PXDNL: variants seen among roughly 807,000 people sequenced by gnomAD.
The protein encoded by PXDNL is probable oxidoreductase PXDNL.
Under a neutral mutation model 150.8 loss-of-function variants are expected in PXDNL, and 145 were observed. The observed-to-expected ratio is 0.96, with a 90% CI of 0.84 to 1.10. The LOEUF (loss-of-function observed/expected upper bound fraction) is 1.10. PXDNL is among the 50% of genes least tolerant of loss of function. PXDNL has a pLI of 0.00. For synonymous variants in PXDNL, 757 were observed against 725.7 expected, an observed-to-expected ratio of 1.04 and a Z score of -0.69; for missense variants, 2,087 against 1,873.9, an observed-to-expected ratio of 1.11 and a Z score of -2.10.
At chr8:51,738,237 T>C (rs1005882471) in intron 1 of PXDNL, among the ~76,000 whole-genome samples, 3 of 152,216 alleles carry the variant, frequency 2.0e-5, no homozygotes, top group African/African-American at 7.2e-5. Flanking sequence ...CAGGGTTTTG[T>C]TTTAAGTAGA....
chr8:51,553,078 A>G (rs1310006572), intron 4 of PXDNL, among the ~76,000 whole-genome samples: 1 of 152,252 alleles, frequency 6.6e-6, no homozygotes, highest in East Asian at 1.9e-4. Flanking sequence ...CAACAGGGTG[A>G]ATAACATTAA....
intron 1 of PXDNL, among the ~76,000 whole-genome samples, chr8:51,711,091 A>G (rs1021055859): frequency 6.6e-6 from 1 of 152,224 alleles, no homozygotes; most frequent in African/African-American, 2.4e-5. Context: ...CAGTTTACAG[A>G]TATCATGGTA....
intron 1 of PXDNL, among the ~76,000 whole-genome samples, chr8:51,751,154 G>A (rs928232742): frequency 6.6e-6 from 1 of 152,018 alleles, no homozygotes; most frequent in African/African-American, 2.4e-5. Flanking sequence ...CTTCATCATA[G>A]GTCATATCAA....
chr8:51,487,563 C>A (rs953874574), intron 5 of PXDNL, among the ~76,000 whole-genome samples: 2 of 152,076 alleles, frequency 1.3e-5, no homozygotes, highest in African/African-American at 4.8e-5. Flanking sequence ...AACGAAAGCA[C>A]TCATTCAATT....
chr8:51,716,692 T>C (rs1816622384), intron 1 of PXDNL, among the ~76,000 whole-genome samples: 3 of 152,096 alleles, frequency 2.0e-5, no homozygotes. Flanking sequence ...AATAATAATA[T>C]GGAAAAGTAA....
At chr8:51,591,934 AT>A (rs1217235873) in intron 3 of PXDNL, among the ~76,000 whole-genome samples, 3 of 152,102 alleles carry the variant, frequency 2.0e-5, no homozygotes, top group African/African-American at 7.2e-5. Flanking sequence ...TTGCCTTAAC[AT>A]TTTTTTAAAA....
intron 4 of PXDNL, among the ~76,000 whole-genome samples, chr8:51,545,590 T>TCATCCCATGGCAGAAAGG: frequency 6.6e-6 from 1 of 152,226 alleles, no homozygotes; most frequent in South Asian, 2.1e-4. Context: ...CAATCCCATG[T>TCATCCCATGGCAGAAAGG]CATCCCATGG....
intron 2 of PXDNL, among the ~76,000 whole-genome samples, chr8:51,644,652 T>C (rs1435766890): frequency 6.6e-6 from 1 of 151,038 alleles, no homozygotes; most frequent in Admixed American, 6.6e-5. Flanking sequence ...AGAGATGGGG[T>C]TTCACCGTGT....
intron 1 of PXDNL, among the ~76,000 whole-genome samples, chr8:51,804,410 T>G (rs757789795): frequency 2.6e-5 from 4 of 152,210 alleles, no homozygotes; most frequent in Non-Finnish European, 5.9e-5. Flanking sequence ...AGATTTATTT[T>G]GCTTTCACAC....
At chr8:51,517,287 A>G (rs969791703) in intron 4 of PXDNL, among the ~76,000 whole-genome samples, 1 of 152,144 alleles carries the variant, frequency 6.6e-6, no homozygotes, top group African/African-American at 2.4e-5. Context: ...CTAATAGAAA[A>G]CCATTGTTTT....
chr8:51,470,199 A>G (rs559641755), intron 8 of PXDNL, among the ~76,000 whole-genome samples: 6 of 152,216 alleles, frequency 3.9e-5, no homozygotes, highest in Admixed American at 3.3e-4. Context: ...GAAGGAAATA[A>G]ATTGAACACT....
At chr8:51,676,100 A>G (rs770444918) in intron 1 of PXDNL, among the ~76,000 whole-genome samples, 3 of 152,198 alleles carry the variant, frequency 2.0e-5, no homozygotes, top group Non-Finnish European at 4.4e-5. Flanking sequence ...TATAGATGGT[A>G]AGTCCTCAGT....
chr8:51,435,138 T>C (rs1809360735), intron 12 of PXDNL, among the ~76,000 whole-genome samples: 1 of 151,894 alleles, frequency 6.6e-6, no homozygotes, highest in African/African-American at 2.4e-5. Flanking sequence ...GCTAACATGG[T>C]GAAACTCCTT....
intron 6 of PXDNL, among the ~76,000 whole-genome samples, chr8:51,480,940 A>G (rs190447905): frequency 1.7e-3 from 262 of 152,306 alleles, no homozygotes; most frequent in African/African-American, 6.2e-3. Context: ...TTAACAGTAT[A>G]AGAACAGACT....
chr8:51,427,099 A>T (rs1459632574), intron 12 of PXDNL, among the ~76,000 whole-genome samples: 1 of 152,240 alleles, frequency 6.6e-6, no homozygotes, highest in East Asian at 1.9e-4. Context: ...ATACGGTAAC[A>T]TCAAAATTTA....
intron 1 of PXDNL, among the ~76,000 whole-genome samples, chr8:51,795,442 C>T (rs115631123): frequency 6.6e-6 from 1 of 152,190 alleles, no homozygotes; most frequent in Non-Finnish European, 1.5e-5. Context: ...TCATAGCAAA[C>T]AGTATCTCAG....
chr8:51,721,656 A>C (rs1350763730), intron 1 of PXDNL: 1 of 433,484 alleles, frequency 2.3e-6, no homozygotes, highest in Non-Finnish European at 4.4e-6. Context: ...AAAAAAAAAA[A>C]GAAGTTGACT....
At chr8:51,666,045 T>G (rs187986382) in intron 1 of PXDNL, among the ~76,000 whole-genome samples, 1 of 152,250 alleles carries the variant, frequency 6.6e-6, no homozygotes, top group Non-Finnish European at 1.5e-5. Context: ...AAAAAATATT[T>G]AGCAATTTTG....
chr8:51,602,407 T>G (rs1813743209), intron 2 of PXDNL, among the ~76,000 whole-genome samples: 1 of 152,056 alleles, frequency 6.6e-6, no homozygotes, highest in Admixed American at 6.6e-5. Flanking sequence ...AATCAGATTA[T>G]GTTAATTCAA....
Sources: allele counts gnomAD v4.1 joint callset (sites outside exome capture counted in the v4.1 genomes callset), GRCh38; gene constraint gnomAD v4.1.1; transcripts MANE v1.5; gene names NCBI Gene and HGNC (gene_info 2026-07-23, HGNC 2026-07-21).